THSD7A: variants seen among roughly 807,000 people sequenced by gnomAD.
THSD7A encodes thrombospondin type 1 domain containing 7A.
A neutral mutation model predicts 231.3 loss-of-function variants in THSD7A; 96 were observed. That is an observed-to-expected ratio of 0.41 (90% CI 0.35 to 0.49). The LOEUF (loss-of-function observed/expected upper bound fraction) is 0.49. Ranked by LOEUF, THSD7A falls within the 20% of genes least tolerant of loss-of-function variation. THSD7A has a pLI of 0.05. For synonymous variants in THSD7A, 940 were observed against 743.3 expected (o/e 1.26, Z -4.30); for missense variants, 2,290 against 2,070.2 (o/e 1.11, Z -2.06).
At chr7:11,792,168 A>T (rs1401594103) in intron 1 of THSD7A, among the ~76,000 whole-genome samples, 2 of 151,662 alleles carry the variant, frequency 1.3e-5, no homozygotes, top group South Asian at 2.1e-4. Context: ...TCACTCTTTC[A>T]TCTCTCCATC....
Position 11,612,759 on chromosome 7 carries a change from C to T in THSD7A, c.1023-19257G>A, listed in dbSNP as rs145650377. Among the ~76,000 whole-genome samples the T allele has an allele frequency of 2.0e-3, 308 of 152,234 alleles. 2 individuals are homozygous for T. Among genetic ancestry groups the T allele is most frequent in the African/African-American group, 7.0e-3 (292 of 41,554 alleles). On this transcript the variant is annotated intron_variant, in intron 2 of 27. Coordinates refer to ENST00000423059, the MANE Select transcript of THSD7A (RefSeq NM_015204.3). ...ATCATATCCTAACCAAAACCTAATGCTATCAAACTTTTATAGATATATTTT... is the reference window on the plus strand; with the variant it reads ...ATCATATCCTAACCAAAACCTAATGTTATCAAACTTTTATAGATATATTTT...
chr7:11,639,653 T>G (rs2681044), intron 1 of THSD7A, among the ~76,000 whole-genome samples: 119,069 of 151,844 alleles, frequency 0.78, 47,166 homozygotes, highest in African/African-American at 0.9. Flanking sequence ...GGGCAACAGA[T>G]TGAGACTCCG....
At chr7:11,555,807 T>C (rs1789820694) in intron 4 of THSD7A, among the ~76,000 whole-genome samples, 1 of 151,856 alleles carries the variant, frequency 6.6e-6, no homozygotes, top group African/African-American at 2.4e-5. Context: ...TTGACTCTTT[T>C]GTCATTATAT....
intron 4 of THSD7A, among the ~76,000 whole-genome samples, chr7:11,574,436 C>CT (rs535754264): frequency 0.045 from 6,157 of 138,182 alleles, 176 homozygotes; most frequent in Middle Eastern, 0.076. Context: ...GAAACAAAAA[C>CT]TTTTTTTTTT....
chr7:11,749,337 C>A (rs1030036619), intron 1 of THSD7A, among the ~76,000 whole-genome samples: 3 of 151,870 alleles, frequency 2.0e-5, no homozygotes, highest in African/African-American at 7.2e-5. Flanking sequence ...TTGCTGTGCA[C>A]CCCCCACATA....
rs191964041 is a variant in THSD7A at position 11,532,412 on chromosome 7, T to C, written c.1822+9007A>G. ...TTTAAGAAATCTAAAACAAGTAGAA[T>C]TGGCTTTGAGACTTGGGATTGGTAA... On this transcript the variant is annotated intron_variant, in intron 6 of 27. Transcript: ENST00000423059. 1.6e-4 allele frequency among the ~76,000 whole-genome samples: 24 copies of C among 152,274 alleles called. No individual in the cohort carries two copies. In the East Asian group the frequency reaches 2.9e-3, roughly 18 times the overall value.
At chr7:11,388,164 T>C (rs1382043404) in intron 23 of THSD7A, among the ~76,000 whole-genome samples, 1 of 146,906 alleles carries the variant, frequency 6.8e-6, no homozygotes, top group Non-Finnish European at 1.5e-5. Flanking sequence ...GAAATTTTCT[T>C]TTTTTTTTTG....
At chr7:11,408,740 A>C (rs1026712656) in intron 19 of THSD7A, among the ~76,000 whole-genome samples, 6 of 152,142 alleles carry the variant, frequency 3.9e-5, no homozygotes, top group African/African-American at 1.4e-4. Flanking sequence ...CTGAGAGAGG[A>C]TCAGATCAAA....
intron 17 of THSD7A, among the ~76,000 whole-genome samples, chr7:11,414,395 T>C (rs1327861688): frequency 6.6e-6 from 1 of 152,244 alleles, no homozygotes; most frequent in Non-Finnish European, 1.5e-5. Flanking sequence ...TTGTTTTTTA[T>C]AAATATTCAT....
intron 1 of THSD7A, among the ~76,000 whole-genome samples, chr7:11,758,504 T>C (rs1413478049): frequency 1.3e-5 from 2 of 152,066 alleles, no homozygotes; most frequent in Non-Finnish European, 2.9e-5. Context: ...AGGGTTTGGC[T>C]GTAAAAGTTA....
intron 1 of THSD7A, among the ~76,000 whole-genome samples, chr7:11,693,013 T>A (rs1414510051): frequency 6.6e-6 from 1 of 151,514 alleles, no homozygotes; most frequent in African/African-American, 2.4e-5. Context: ...TTTGTTTGTT[T>A]TAGAATACAC....
chr7:11,636,489 C>A lies in THSD7A; in HGVS notation c.663G>T (p.Val221=). 6.2e-7 allele frequency: 1 copy of A among 1,613,808 alleles called. No individual in the cohort carries two copies. The highest frequency in any genetic ancestry group is 8.5e-7 in the Non-Finnish European group (1 of 1,179,838). ...GSGLQHRTRH[V]VAPPQFGGSG... is the part of the protein sequence containing the mutation. ...AGCCTCCGAACTGCGGGGGCGCCAC[C>A]ACATGACGCGTCCGGTGCTGGAGCC... Residue 221 remains valine, a synonymous_variant, in exon 2 of 28, where the codon GTG becomes GTT. Transcript: ENST00000423059. The surrounding 1 kb of genome is among the most constrained non-coding windows in gnomAD (Gnocchi z 10.0).
chr7:11,635,725 G>C (rs1781813471), intron 2 of THSD7A, among the ~76,000 whole-genome samples: 1 of 152,100 alleles, frequency 6.6e-6, no homozygotes, highest in Admixed American at 6.5e-5. Context: ...TGAAAATGCT[G>C]TCTTGGAGAG....
chr7:11,509,821 C>CAAAAAAAAAAAAAAA (rs751048602), intron 6 of THSD7A, among the ~76,000 whole-genome samples: 448 of 39,792 alleles, frequency 0.011, 46 homozygotes, highest in African/African-American at 0.018. Flanking sequence ...GAGTCCGTCT[C>CAAAAAAAAAAAAAAA]AAAAAAAAAA....
At chr7:11,791,050 T>A (rs960322564) in intron 1 of THSD7A, among the ~76,000 whole-genome samples, 1 of 152,092 alleles carries the variant, frequency 6.6e-6, no homozygotes, top group South Asian at 2.1e-4. Context: ...TCAAGCCTTG[T>A]ATAATGTTCT....
intron 9 of THSD7A, among the ~76,000 whole-genome samples, chr7:11,465,785 A>T (rs540456908): frequency 1.3e-5 from 2 of 152,288 alleles, no homozygotes; most frequent in Non-Finnish European, 2.9e-5. Context: ...AGTGAGAAAA[A>T]AAAGGAGCAA....
At position 11,726,546 on chromosome 7, in the gene THSD7A, A is replaced by AT. The variant is rs68046071; in HGVS notation, c.191-89586dup. 1.8e-4 allele frequency among the ~76,000 whole-genome samples: 28 copies of AT among 151,676 alleles called. 1 individual carries two copies. The highest frequency in any genetic ancestry group is 2.5e-4 in the Non-Finnish European group (17 of 67,916). On this transcript the variant is annotated intron_variant, in intron 1 of 27. Coordinates refer to ENST00000423059, the MANE Select transcript of THSD7A (RefSeq NM_015204.3). ...GCATGCAGACAGATGCCCAGAATTG[A>AT]TTTTTTTTGCACCCTAATGGTTCCC...
At chr7:11,449,794 G>C (rs1266598892) in intron 11 of THSD7A, among the ~76,000 whole-genome samples, 1 of 151,914 alleles carries the variant, frequency 6.6e-6, no homozygotes, top group African/African-American at 2.4e-5. Context: ...AGTGCCGATG[G>C]TTCATGGACA....
intron 1 of THSD7A, among the ~76,000 whole-genome samples, chr7:11,756,441 G>A (rs1200781874): frequency 6.6e-6 from 1 of 152,044 alleles, no homozygotes; most frequent in Admixed American, 6.6e-5. Context: ...AAATATCTTG[G>A]AGAAGTGGGG....
Sources: allele counts gnomAD v4.1 joint callset (sites outside exome capture counted in the v4.1 genomes callset), GRCh38; gene constraint gnomAD v4.1.1; non-coding constraint Gnocchi (gnomAD v3.1); transcripts MANE v1.5; gene names NCBI Gene and HGNC (gene_info 2026-07-23, HGNC 2026-07-21).